Variants in KAZN observed in about 807,000 individuals in gnomAD.
The protein encoded by KAZN is kazrin.
A neutral mutation model predicts 87.4 loss-of-function variants in KAZN; 40 were observed. The ratio of observed to expected loss-of-function variants is 0.46; its 90% confidence interval spans 0.36 to 0.60. KAZN has a LOEUF of 0.60. KAZN is among the 20% of genes least tolerant of loss of function. The pLI is 0.00. For synonymous variants in KAZN, 466 were observed against 458.3 expected (o/e 1.02, Z -0.22); for missense variants, 898 against 1,073.9 (o/e 0.84, Z 2.29).
intron 2 of KAZN, among the ~76,000 whole-genome samples, chr1:14,323,512 A>C (rs1036491526): frequency 3.9e-5 from 6 of 152,144 alleles, no homozygotes; most frequent in African/African-American, 1.4e-4. Context: ...TCTCTATGTC[A>C]GATCTGGATC....
intron 1 of KAZN, among the ~76,000 whole-genome samples, chr1:14,932,019 G>A (rs183682141): frequency 1.3e-3 from 198 of 152,304 alleles, no homozygotes; most frequent in African/African-American, 4.2e-3. Context: ...AACACATGGA[G>A]GCTTTGGTGG....
At chr1:14,213,494 G>C (rs1420113605) in intron 2 of KAZN, among the ~76,000 whole-genome samples, 1 of 152,146 alleles carries the variant, frequency 6.6e-6, no homozygotes, top group Non-Finnish European at 1.5e-5. Flanking sequence ...ACAGAGGAGG[G>C]CAAGTGCAAA....
intron 2 of KAZN, among the ~76,000 whole-genome samples, chr1:14,496,168 C>T (rs548695688): frequency 6.6e-5 from 10 of 152,262 alleles, no homozygotes; most frequent in Middle Eastern, 3.4e-3. Flanking sequence ...TTTAAAGGGG[C>T]TGCTGGTTTT....
rs140822403 is a variant in KAZN at position 14,654,287 on chromosome 1, C to CAAAAAAAAAA, written c.226+55076_226+55085dup. ...GGGCAACAAGAGTGAGGCTTCGTCT[C>CAAAAAAAAAA]AAAAAAAAAAAAAAAAAAAAATCTC... On this transcript the variant is annotated intron_variant, in intron 1 of 14. Coordinates refer to ENST00000376030, the MANE Select transcript of KAZN (RefSeq NM_201628.3). Among the ~76,000 whole-genome samples the CAAAAAAAAAA allele has an allele frequency of 6.2e-5, 5 of 80,328 alleles. No individual in the cohort carries two copies. The East Asian group carries it at 1.1e-3, about 17-fold the overall frequency. 52.7% of individuals were successfully genotyped at this position (80,328 alleles called of 152,430 possible).
At chr1:14,895,352 A>G (rs1655147570) in intron 1 of KAZN, among the ~76,000 whole-genome samples, 2 of 152,242 alleles carry the variant, frequency 1.3e-5, no homozygotes, top group South Asian at 4.1e-4. Context: ...CTTGATTAGC[A>G]TAAGCAACGT....
chr1:14,403,189 A>G (rs1663565013), intron 2 of KAZN, among the ~76,000 whole-genome samples: 1 of 152,250 alleles, frequency 6.6e-6, no homozygotes, highest in South Asian at 2.1e-4. Context: ...AATATAAACC[A>G]TTAAACACCT....
At chr1:14,445,215 G>A (rs1454621936) in intron 2 of KAZN, among the ~76,000 whole-genome samples, 4 of 151,936 alleles carry the variant, frequency 2.6e-5, no homozygotes, top group African/African-American at 4.8e-5. Context: ...TAGTAGAGGC[G>A]GGGTTTCACC....
upstream of KAZN, among the ~76,000 whole-genome samples, chr1:14,596,268 G>C (rs1676501654): frequency 1.3e-5 from 2 of 151,806 alleles, no homozygotes; most frequent in Non-Finnish European, 2.9e-5. Context: ...TTCTTCTGCT[G>C]AGTGCTATAC....
At chr1:14,712,285 C>T (rs1642529495) in intron 1 of KAZN, among the ~76,000 whole-genome samples, 1 of 152,064 alleles carries the variant, frequency 6.6e-6, no homozygotes, top group African/African-American at 2.4e-5. Flanking sequence ...TTCATCTGTG[C>T]CTGAGATGCA....
At chr1:14,934,943 C>T (rs573651500) in intron 1 of KAZN, among the ~76,000 whole-genome samples, 23 of 152,388 alleles carry the variant, frequency 1.5e-4, no homozygotes, top group African/African-American at 5.3e-4. Context: ...AGGGTCATCG[C>T]TGATCTGGGG....
intron 2 of KAZN, among the ~76,000 whole-genome samples, chr1:14,400,243 C>T (rs188636992): frequency 6.6e-6 from 1 of 152,152 alleles, no homozygotes; most frequent in Non-Finnish European, 1.5e-5. Flanking sequence ...AGGAAGAAAT[C>T]TCAACATCTC....
At chr1:14,456,209 G>A (rs1188351559) in intron 2 of KAZN, among the ~76,000 whole-genome samples, 1 of 152,146 alleles carries the variant, frequency 6.6e-6, no homozygotes, top group Non-Finnish European at 1.5e-5. Context: ...CAACAAGCAA[G>A]TATTATCTGA....
chr1:14,388,546 A>G (rs79787682), intron 2 of KAZN, among the ~76,000 whole-genome samples: 7,971 of 151,826 alleles, frequency 0.053, 262 homozygotes, highest in Non-Finnish European at 0.078. Flanking sequence ...AGATAAATAG[A>G]TACATCTATG....
At chr1:14,216,126 G>T (rs1050084213) in intron 2 of KAZN, among the ~76,000 whole-genome samples, 8 of 152,090 alleles carry the variant, frequency 5.3e-5, no homozygotes, top group Non-Finnish European at 1.0e-4. Context: ...ATATGATTTT[G>T]GGGAGACAAA....
chr1:14,180,097 A>G (rs1178881877), intron 1 of KAZN, among the ~76,000 whole-genome samples: 1 of 152,104 alleles, frequency 6.6e-6, no homozygotes, highest in Admixed American at 6.5e-5. Context: ...ACTTACCACA[A>G]AGTCATATTC....
chr1:14,334,796 C>T (rs1657108906), intron 2 of KAZN, among the ~76,000 whole-genome samples: 1 of 152,106 alleles, frequency 6.6e-6, no homozygotes, highest in Non-Finnish European at 1.5e-5. Flanking sequence ...TGGCAGCTGA[C>T]TTCCCCCAGA....
chr1:14,359,708 T>G (rs10927412), intron 2 of KAZN, among the ~76,000 whole-genome samples: 79,944 of 152,026 alleles, frequency 0.53, 21,823 homozygotes, highest in Non-Finnish European at 0.6. Flanking sequence ...GTCGTTTGGC[T>G]GGATATGAAA....
At chr1:14,436,086 G>A (rs3889323) in intron 2 of KAZN, among the ~76,000 whole-genome samples, 10,854 of 152,012 alleles carry the variant, frequency 0.071, 605 homozygotes, top group South Asian at 0.11. Context: ...AAAATTAGCC[G>A]GGTGTGGTGG....
chr1:14,382,884 A>G (rs957907423), intron 2 of KAZN, among the ~76,000 whole-genome samples: 2 of 151,940 alleles, frequency 1.3e-5, no homozygotes, highest in African/African-American at 4.8e-5. Flanking sequence ...GATCCCTGAG[A>G]AATCGCCACA....
Sources: allele counts gnomAD v4.1 joint callset (sites outside exome capture counted in the v4.1 genomes callset), GRCh38; gene constraint gnomAD v4.1.1; transcripts MANE v1.5; gene names NCBI Gene and HGNC (gene_info 2026-07-23, HGNC 2026-07-21).